Variants in SEMA6A observed in about 807,000 individuals in gnomAD.
SEMA6A encodes the protein semaphorin 6A.
SEMA6A carries 25 observed loss-of-function variants against 96.8 expected under a neutral mutation model. The observed-to-expected ratio is 0.26, with a 90% confidence interval of 0.19 to 0.36. The LOEUF is 0.36. SEMA6A is among the 10% of genes least tolerant of loss of function. SEMA6A has a pLI of 1.00. For synonymous variants in SEMA6A, 612 were observed against 518.0 expected (o/e 1.18, Z -2.46); for missense variants, 1,363 against 1,323.1 (o/e 1.03, Z -0.47).
chr5:116,493,371 G>T (rs1406579871), intron 6 of SEMA6A, among the ~76,000 whole-genome samples: 3 of 152,158 alleles, frequency 2.0e-5, no homozygotes, highest in African/African-American at 7.2e-5. Context: ...TCTGTATGCT[G>T]TCACTAGCTA....
intron 18 of SEMA6A, among the ~76,000 whole-genome samples, chr5:116,459,662 T>C (rs987824569): frequency 1.6e-4 from 24 of 152,166 alleles, no homozygotes; most frequent in African/African-American, 5.3e-4. Context: ...TTCAAGACTT[T>C]GAAAGGTCTT....
chr5:116,446,656 GC>G lies in SEMA6A; in HGVS notation c.3049del (p.Ala1017LeufsTer7). ...KPDVPPKPSF[A>X]PLSTSMKPND... The stretch of plus-strand genomic sequence containing the variant: ...GGGCTTCATGGATGTGGAAAGGGGA[GC>G]AAAGGATGGTTTGGGGGGTACGTCC... On this transcript the variant is annotated frameshift_variant, in exon 19 of 19. Coordinates refer to ENST00000343348, the MANE Select transcript of SEMA6A (RefSeq NM_020796.5). LOFTEE classifies it high-confidence loss of function. 6.5e-7 allele frequency: 1 copy of G among 1,535,906 alleles called. No individual in the cohort carries two copies. The highest frequency in any genetic ancestry group is 8.8e-7 in the Non-Finnish European group (1 of 1,140,282).
At chr5:116,501,087 G>T (rs1325666106) in intron 3 of SEMA6A, among the ~76,000 whole-genome samples, 1 of 151,772 alleles carries the variant, frequency 6.6e-6, no homozygotes, top group East Asian at 1.9e-4. Context: ...AAGACCACAG[G>T]GGACACTACA....
chr5:116,541,003 A>G (rs1054440306), intron 1 of SEMA6A, among the ~76,000 whole-genome samples: 11 of 152,232 alleles, frequency 7.2e-5, no homozygotes, highest in Non-Finnish European at 7.3e-5. Context: ...TAAGATGACA[A>G]TGTAAGTGAC....
At chr5:116,572,773 C>T (rs993284895) in intron 1 of SEMA6A, among the ~76,000 whole-genome samples, 2 of 152,202 alleles carry the variant, frequency 1.3e-5, no homozygotes, top group Non-Finnish European at 2.9e-5. Flanking sequence ...CTCCTAGCTG[C>T]ATCCCGAGCT....
In SEMA6A at chr5:116,482,439, C is replaced by T; in HGVS notation, c.1094+5G>A. 1 of 1,612,046 alleles carries T rather than the reference C, an allele frequency of 6.2e-7. No individual in the cohort carries two copies. Among genetic ancestry groups the T allele is most frequent in the East Asian group, 2.2e-5 (1 of 44,746 alleles). On this transcript the variant is annotated splice_donor_5th_base_variant and intron_variant, in intron 11 of 18. Transcript: ENST00000343348. Reference sequence around the variant, plus strand: ...TAAAATAGCCATATGAATATTTGCACATACCTGGGCTTAGGAACTCGTTCA... The same window carrying T: ...TAAAATAGCCATATGAATATTTGCATATACCTGGGCTTAGGAACTCGTTCA...
At chr5:116,524,234 C>T (rs1383426587) in intron 1 of SEMA6A, among the ~76,000 whole-genome samples, 4 of 152,138 alleles carry the variant, frequency 2.6e-5, no homozygotes, top group East Asian at 1.9e-4. Context: ...GAATACTGCA[C>T]GAGGAAGCCT....
chr5:116,521,280 G>A (rs905603764), intron 1 of SEMA6A, among the ~76,000 whole-genome samples: 1 of 152,164 alleles, frequency 6.6e-6, no homozygotes, highest in Non-Finnish European at 1.5e-5. Flanking sequence ...TGTTACTAAG[G>A]CTCGATTGCC....
intron 13 of SEMA6A, 189 bp from the exon 14 acceptor site, chr5:116,478,343 T>TA: frequency 1.3e-6 from 1 of 750,068 alleles, no homozygotes; most frequent in Non-Finnish European, 2.1e-6. Context: ...CACACACACA[T>TA]ATATGTATCT....
At chr5:116,529,278 C>T (rs978328100) in intron 1 of SEMA6A, among the ~76,000 whole-genome samples, 1 of 152,080 alleles carries the variant, frequency 6.6e-6, no homozygotes. Flanking sequence ...GGTTGGTTAA[C>T]AGATACAAAA....
At chr5:116,573,880 C>A (rs964129856) in intron 1 of SEMA6A, among the ~76,000 whole-genome samples, 30 of 152,054 alleles carry the variant, frequency 2.0e-4, no homozygotes, top group Non-Finnish European at 4.4e-5. Context: ...GCACACACAC[C>A]CCCAGGAGGA....
At chr5:116,524,200 G>C (rs1324980023) in intron 1 of SEMA6A, among the ~76,000 whole-genome samples, 1 of 152,176 alleles carries the variant, frequency 6.6e-6, no homozygotes, top group Admixed American at 6.5e-5. Flanking sequence ...ATCCCACCCA[G>C]ATGCTGTGGA....
At chr5:116,562,813 C>T in intron 1 of SEMA6A, 1 of 717,294 alleles carries the variant, frequency 1.4e-6, no homozygotes. Context: ...CTCAGAGGTG[C>T]AAGGAACTGG....
At chr5:116,484,892 G>A (rs73254614) in intron 10 of SEMA6A, among the ~76,000 whole-genome samples, 2,996 of 152,320 alleles carry the variant, frequency 0.02, 105 homozygotes, top group African/African-American at 0.068. Flanking sequence ...GGCAGAGGAT[G>A]GGAGGGGATG....
intron 18 of SEMA6A, among the ~76,000 whole-genome samples, chr5:116,466,173 C>A (rs1017483114): frequency 4.6e-4 from 69 of 150,890 alleles, no homozygotes; most frequent in Middle Eastern, 3.5e-3. Context: ...GAGTTCAAGA[C>A]CAGCCTGGCC....
intron 18 of SEMA6A, among the ~76,000 whole-genome samples, chr5:116,449,018 G>A (rs1266371993): frequency 1.3e-5 from 2 of 152,160 alleles, no homozygotes; most frequent in African/African-American, 4.8e-5. Context: ...ACATTAACCA[G>A]GATTCAGTGT....
intron 1 of SEMA6A, among the ~76,000 whole-genome samples, chr5:116,537,280 C>G (rs1759757899): frequency 6.6e-6 from 1 of 152,174 alleles, no homozygotes; most frequent in African/African-American, 2.4e-5. Context: ...AACTAAGAGG[C>G]ATGTGACCTT....
At chr5:116,542,350 G>A (rs11743446) in intron 1 of SEMA6A, among the ~76,000 whole-genome samples, 3,244 of 152,178 alleles carry the variant, frequency 0.021, 44 homozygotes, top group Middle Eastern at 0.044. Context: ...CAGCATTACC[G>A]TTTTTCTTCT....
intron 1 of SEMA6A, among the ~76,000 whole-genome samples, chr5:116,505,879 A>G (rs1196680409): frequency 0.06 from 3 of 50 alleles, no homozygotes; most frequent in East Asian, 0.5. Context: ...GGATACAGTG[A>G]AAAAAAAAAA....
Sources: gnomAD v4.1 joint callset for allele counts (sites outside exome capture counted in the v4.1 genomes callset) on GRCh38, gnomAD v4.1.1 for gene constraint, MANE v1.5 for transcripts, NCBI Gene and HGNC (gene_info 2026-07-23, HGNC 2026-07-21) for gene names.